The following GABRP variants were observed in gnomAD, a reference collection of about 807,000 sequenced individuals.
GABRP encodes the protein gamma-aminobutyric acid receptor subunit pi.
In GABRP, 52 loss-of-function variants were observed where a neutral mutation model predicts 47.8. The ratio of observed to expected loss-of-function variants is 1.09; its 90% CI spans 0.87 to 1.37. GABRP has a LOEUF of 1.37. Among genes scored for constraint, GABRP ranks in the 40% most tolerant of loss-of-function variants. The pLI, the probability that GABRP is intolerant of heterozygous loss-of-function variation, is 0.00. For missense variants in GABRP, 525 were observed against 542.8 expected (o/e 0.97, Z 0.33); for synonymous variants, 221 against 205.8 (o/e 1.07, Z -0.63).
chr5:170,812,025 C>A lies in GABRP; in HGVS notation c.1090C>A (p.Arg364=). Residue 364 remains arginine, a synonymous_variant, in exon 10 of 10, where the codon CGG becomes AGG. Coordinates refer to ENST00000265294, the MANE Select transcript of GABRP (RefSeq NM_014211.3). ...CAACAGCTCCATCTCCAGCTTTAAA[C>A]GGAAGATCAGCTTTGCCAGCATTGA... ...IINSSISSFK[R]KISFASIEIS... 6.2e-7 allele frequency: 1 copy of A among 1,614,102 alleles called. No individual in the cohort carries two copies. The highest frequency in any genetic ancestry group is 1.1e-5 in the South Asian group (1 of 91,080).
intron 1 of GABRP, among the ~76,000 whole-genome samples, chr5:170,786,961 GA>G (rs1156950074): frequency 6.6e-6 from 1 of 152,086 alleles, no homozygotes; most frequent in Non-Finnish European, 1.5e-5. Context: ...AGACAAAAGA[GA>G]AGAAATGGGG....
chr5:170,814,000 A>T lies in GABRP; in HGVS notation c.*1742A>T, dbSNP rs1428383061. The T allele has an allele frequency of 6.6e-6, 1 of 152,196 alleles. No homozygotes were observed. The highest frequency in any genetic ancestry group is 1.9e-4 in the East Asian group (1 of 5,198). 9.4% of individuals were successfully genotyped at this position (152,196 alleles called of 1,614,324 possible). The stretch of plus-strand genomic sequence containing the variant: ...TTGTTTTTATATAAAAACAATGATA[A>T]AGATGTGAAACTGTGAAATAAATAT... On this transcript the variant is annotated 3_prime_UTR_variant, in exon 10 of 10. Transcript: ENST00000265294.
chr5:170,811,506 C>G (rs1052814761), intron 9 of GABRP, among the ~76,000 whole-genome samples: 2 of 152,132 alleles, frequency 1.3e-5, no homozygotes, highest in African/African-American at 4.8e-5. Flanking sequence ...AAACACCTAC[C>G]AGATGCTTTC....
At chr5:170,804,754 T>C (rs181420881) in intron 6 of GABRP, among the ~76,000 whole-genome samples, 1 of 152,128 alleles carries the variant, frequency 6.6e-6, no homozygotes, top group Non-Finnish European at 1.5e-5. Context: ...TCGTCACTCA[T>C]AGACTTTGGG....
chr5:170,783,441 TAGTG>T (rs1561804068), upstream of GABRP, among the ~76,000 whole-genome samples: 1 of 152,108 alleles, frequency 6.6e-6, no homozygotes, highest in African/African-American at 2.4e-5. Context: ...GAGCCCGGCA[TAGTG>T]GGTGGGGGTC....
intron 1 of GABRP, 40 bp from the exon 2 acceptor site, chr5:170,788,534 G>A: frequency 2.1e-6 from 3 of 1,409,614 alleles, no homozygotes; most frequent in South Asian, 1.2e-5. Flanking sequence ...AGGTGAGCCT[G>A]TTGCACGGCC....
chr5:170,802,748 G>A (rs1233016772), intron 6 of GABRP, among the ~76,000 whole-genome samples: 3 of 146,410 alleles, frequency 2.0e-5, no homozygotes, highest in Non-Finnish European at 3.0e-5. Context: ...AGTGAGCGGA[G>A]GGAGCTTTCT....
At chr5:170,786,097 A>G (rs556096982) in intron 1 of GABRP, among the ~76,000 whole-genome samples, 1 of 152,096 alleles carries the variant, frequency 6.6e-6, no homozygotes, top group Non-Finnish European at 1.5e-5. Flanking sequence ...TCCTCACTAG[A>G]TGGGTGGGTG....
chr5:170,791,354 G>T (rs915434962), intron 3 of GABRP, among the ~76,000 whole-genome samples: 4 of 152,244 alleles, frequency 2.6e-5, no homozygotes, highest in Non-Finnish European at 5.9e-5. Flanking sequence ...TGGCAGGCTG[G>T]AGGCCCACGG....
At chr5:170,801,887 T>C (rs1179196657) in intron 6 of GABRP, among the ~76,000 whole-genome samples, 2 of 151,740 alleles carry the variant, frequency 1.3e-5, no homozygotes, top group Non-Finnish European at 2.9e-5. Flanking sequence ...CTAGGGAAAG[T>C]GTCACTTGGA....
intron 1 of GABRP, among the ~76,000 whole-genome samples, chr5:170,786,718 C>T (rs1450312296): frequency 6.6e-6 from 1 of 152,128 alleles, no homozygotes; most frequent in Non-Finnish European, 1.5e-5. Context: ...GAATGGTAGT[C>T]CCTACTTCAA....
chr5:170,794,495 G>A, intron 4 of GABRP, 197 bp downstream of exon 4: 1 of 395,418 alleles, frequency 2.5e-6, no homozygotes, highest in Non-Finnish European at 4.5e-6. Flanking sequence ...GATTTTCTGA[G>A]TAAGACAATG....
At chr5:170,806,808 A>C (rs1765749066) in intron 7 of GABRP, among the ~76,000 whole-genome samples, 1 of 152,222 alleles carries the variant, frequency 6.6e-6, no homozygotes, top group Admixed American at 6.5e-5. Flanking sequence ...TCATGGTTAC[A>C]TGAAAATTAG....
At chr5:170,809,420 A>T (rs1326771934) in intron 8 of GABRP, 148 bp from the exon 9 acceptor site, 1 of 712,404 alleles carries the variant, frequency 1.4e-6, no homozygotes, top group African/African-American at 1.8e-5. Flanking sequence ...ACCCTATTCT[A>T]GAAGGTCGCA....
chr5:170,812,485 C>T lies in GABRP; in HGVS notation c.*227C>T. 1 of 497,926 alleles carries T rather than the reference C, an allele frequency of 2.0e-6. No homozygotes were observed. The highest frequency in any genetic ancestry group is 2.7e-5 in the South Asian group (1 of 36,512). 30.8% of individuals were successfully genotyped at this position (497,926 alleles called of 1,614,324 possible). A position where few individuals can be genotyped will look rare whatever the true frequency, so the allele number is the denominator to read the frequency against. ...TAGAAACATCAGTCCATTCCTCTTTCATCTTAATCAAGGACATTCCCATGG... is the reference window on the plus strand; with the variant it reads ...TAGAAACATCAGTCCATTCCTCTTTTATCTTAATCAAGGACATTCCCATGG... On this transcript the variant is annotated 3_prime_UTR_variant, in exon 10 of 10. Coordinates refer to ENST00000265294, the MANE Select transcript of GABRP (RefSeq NM_014211.3).
At chr5:170,791,386 G>C (rs1326910741) in intron 3 of GABRP, among the ~76,000 whole-genome samples, 1 of 152,234 alleles carries the variant, frequency 6.6e-6, no homozygotes, top group Non-Finnish European at 1.5e-5. Flanking sequence ...TCTCTGTAAT[G>C]TCTGTGCACC....
chr5:170,812,436 T>C lies in GABRP; in HGVS notation c.*178T>C, dbSNP rs535363529. 7 of 594,128 alleles carry C rather than the reference T, an allele frequency of 1.2e-5. No individual in the cohort carries two copies. The South Asian group carries it at 1.5e-4, about 13-fold the overall frequency. 36.8% of individuals were successfully genotyped at this position (594,128 alleles called of 1,614,324 possible). ...ACCATTGTTCTAAGCTGTGTAGAAG[T>C]CCTAGCATTATAGGATCTTGTAATA... is the stretch of plus-strand genomic sequence containing the variant. On this transcript the variant is annotated 3_prime_UTR_variant, in exon 10 of 10. Transcript: ENST00000265294.
intron 4 of GABRP, 32 bp downstream of exon 4, chr5:170,794,330 T>C: frequency 1.5e-6 from 2 of 1,369,976 alleles, no homozygotes; most frequent in South Asian, 1.2e-5. Context: ...TCTACCCAAG[T>C]AGTCCCTCTC....
chr5:170,789,486 C>T (rs1451339040), intron 3 of GABRP, among the ~76,000 whole-genome samples: 1 of 152,160 alleles, frequency 6.6e-6, no homozygotes, highest in Non-Finnish European at 1.5e-5. Flanking sequence ...GCTGCAAGAG[C>T]CTCCTAACAC....
Sources: allele counts gnomAD v4.1 joint callset (sites outside exome capture counted in the v4.1 genomes callset), GRCh38; gene constraint gnomAD v4.1.1; transcripts MANE v1.5; gene names NCBI Gene and HGNC (gene_info 2026-07-23, HGNC 2026-07-21).